PCDHGB4: variants seen among roughly 807,000 people sequenced by gnomAD.
The protein encoded by PCDHGB4 is protocadherin gamma subfamily B, 4.
A neutral mutation model predicts 60.5 loss-of-function variants in PCDHGB4; 38 were observed. The observed-to-expected ratio is 0.63, with a 90% CI of 0.48 to 0.82. The LOEUF is 0.82. PCDHGB4 is among the 40% of genes least tolerant of loss of function. PCDHGB4 has a pLI of 0.00. For synonymous variants in PCDHGB4, 456 were observed against 509.7 expected (o/e 0.89, Z 1.42); for missense variants, 1,109 against 1,209.6 (o/e 0.92, Z 1.23).
intron 1 of PCDHGB4, chr5:141,423,753 G>GC (rs1489142243): frequency 4.8e-6 from 3 of 626,014 alleles, no homozygotes; most frequent in African/African-American, 5.1e-5. Context: ...AACTGTTTGG[G>GC]GGGGGGGTGG....
At chr5:141,468,487 G>A (rs945439990) in intron 1 of PCDHGB4, 6 of 152,110 alleles carry the variant, frequency 3.9e-5, no homozygotes, top group African/African-American at 1.4e-4. Context: ...TAGGTCTCAT[G>A]GAAGATTTTC....
intron 1 of PCDHGB4, among the ~76,000 whole-genome samples, chr5:141,437,228 A>C (rs1410620126): frequency 6.6e-6 from 1 of 152,228 alleles, no homozygotes; most frequent in Non-Finnish European, 1.5e-5. Context: ...CCAGTCATAA[A>C]ATTATGTCAA....
Position 141,477,931 on chromosome 5 carries a change from G to T in PCDHGB4, c.2398-16876G>T. 6.2e-7 allele frequency: 1 copy of T among 1,614,138 alleles called. No homozygotes were observed. Among genetic ancestry groups the T allele is most frequent in the Non-Finnish European group, 8.5e-7 (1 of 1,180,040 alleles). ...ACGCGGATGCAGGGCACAATGCCTG[G>T]CTCTCCTACAGTCTCTTGGGATCCC... On this transcript the variant is annotated intron_variant, in intron 1 of 3. Coordinates refer to ENST00000519479, the MANE Select transcript of PCDHGB4 (RefSeq NM_003736.4). This position sits in a 1 kb window ranked among gnomAD's most constrained non-coding sequence, Gnocchi z 4.9.
chr5:141,446,920 C>T (rs2098520337), intron 1 of PCDHGB4, among the ~76,000 whole-genome samples: 1 of 152,108 alleles, frequency 6.6e-6, no homozygotes, highest in African/African-American at 2.4e-5. Flanking sequence ...TATTTATCTT[C>T]CTGATCTCTT....
rs200117787 is a variant in PCDHGB4, at chr5:141,477,443, G to T, written c.2398-17364G>T. ...CCCTTCCCTCTCAGCCCTTACAATA[G>T]TGCGTGTTCAAGTGTCCGACATCAA... On this transcript the variant is annotated intron_variant, in intron 1 of 3. Coordinates refer to ENST00000519479, the MANE Select transcript of PCDHGB4 (RefSeq NM_003736.4). This position sits in a 1 kb window ranked among gnomAD's most constrained non-coding sequence, Gnocchi z 4.9. The T allele has an allele frequency of 1.7e-5, 28 of 1,614,136 alleles. No homozygotes were observed. In the East Asian group the frequency reaches 6.2e-4, roughly 36 times the overall value.
At chr5:141,414,198 A>G (rs1561747621) in intron 1 of PCDHGB4, 2 of 1,611,542 alleles carry the variant, frequency 1.2e-6, no homozygotes, top group Non-Finnish European at 1.7e-6. Flanking sequence ...TGATTACAGT[A>G]GAAGATGTAA....
At chr5:141,449,251 A>T (rs918418872) in intron 1 of PCDHGB4, among the ~76,000 whole-genome samples, 10 of 152,256 alleles carry the variant, frequency 6.6e-5, no homozygotes, top group Middle Eastern at 3.4e-3. Flanking sequence ...AGTTGCAAGA[A>T]TTGTACAAAG....
In PCDHGB4 at chr5:141,415,739, G is replaced by GTTT. The variant is rs1561759437; in HGVS notation, c.2397+25458_2397+25459insTTT. 6 of 435,150 alleles carry GTTT rather than the reference G, an allele frequency of 1.4e-5. No individual in the cohort carries two copies. The African/African-American group carries it at 1.6e-4, about 12-fold the overall frequency. 27.0% of individuals were successfully genotyped at this position (435,150 alleles called of 1,614,324 possible). ...ATGAGTAGAATTTGATGTTTATTAAGGTTTTTTTTTTTTTTTTTTTTTTTT... is the reference window on the plus strand; with the variant it reads ...ATGAGTAGAATTTGATGTTTATTAAGTTTGTTTTTTTTTTTTTTTTTTTTTTTT... On this transcript the variant is annotated intron_variant, in intron 1 of 3. Transcript: ENST00000519479.
chr5:141,441,289 T>C (rs1350801949), intron 1 of PCDHGB4: 1 of 152,212 alleles, frequency 6.6e-6, no homozygotes, highest in Non-Finnish European at 1.5e-5. Flanking sequence ...CGAGGTCACA[T>C]GTCTGATATA....
chr5:141,495,469 C>G (rs1398171981), intron 2 of PCDHGB4, among the ~76,000 whole-genome samples: 1 of 152,220 alleles, frequency 6.6e-6, no homozygotes, highest in Non-Finnish European at 1.5e-5. Flanking sequence ...TGTGGGGTCT[C>G]CGTGTCTCTG....
chr5:141,458,553 T>G (rs987591790), intron 1 of PCDHGB4, among the ~76,000 whole-genome samples: 24 of 146,852 alleles, frequency 1.6e-4, no homozygotes, highest in Non-Finnish European at 2.5e-4. Flanking sequence ...TGTTTGTTTG[T>G]TTTGGTTTTG....
At chr5:141,502,914 T>G (rs78646636) in intron 2 of PCDHGB4, among the ~76,000 whole-genome samples, 4,865 of 139,540 alleles carry the variant, frequency 0.035, 119 homozygotes, top group South Asian at 0.075. Flanking sequence ...CAGGCTGGAG[T>G]GCAGTGGCAA....
Position 141,486,484 on chromosome 5 carries a change from C to A in PCDHGB4, c.2398-8323C>A. On this transcript the variant is annotated intron_variant, in intron 1 of 3. Transcript: ENST00000519479. This position sits in a 1 kb window ranked among gnomAD's most constrained non-coding sequence, Gnocchi z 5.0. ...ATGCTGGGAACCCTCCTCTCAGTAC[C>A]CACAGAACTATTTTCCTCAATATTT... is the stretch of plus-strand genomic sequence containing the variant. 5 of 1,614,102 alleles carry A rather than the reference C, an allele frequency of 3.1e-6. No homozygotes were observed. Among genetic ancestry groups the A allele is most frequent in the Non-Finnish European group, 4.2e-6 (5 of 1,179,930 alleles).
At chr5:141,467,901 C>T (rs1484485803) in intron 1 of PCDHGB4, among the ~76,000 whole-genome samples, 7 of 152,034 alleles carry the variant, frequency 4.6e-5, no homozygotes, top group Admixed American at 1.3e-4. Flanking sequence ...TCAAGAAATC[C>T]GCCCACCTCA....
At chr5:141,443,872 A>G (rs1446612063) in intron 1 of PCDHGB4, among the ~76,000 whole-genome samples, 1 of 152,212 alleles carries the variant, frequency 6.6e-6, no homozygotes, top group South Asian at 2.1e-4. Context: ...AAAATTACTG[A>G]TAAGTCAAGA....
chr5:141,452,088 AAG>A (rs1200732162), intron 1 of PCDHGB4, among the ~76,000 whole-genome samples: 2 of 152,206 alleles, frequency 1.3e-5, no homozygotes, highest in African/African-American at 4.8e-5. Flanking sequence ...ATTATACAGT[AAG>A]AAAGAGCTTT....
rs766706887 is a variant in PCDHGB4 at position 141,388,848 on chromosome 5, G to A, written c.964G>A (p.Gly322Ser). The A allele has an allele frequency of 3.7e-6, 6 of 1,613,942 alleles. No homozygotes were observed. The highest frequency in any genetic ancestry group is 3.3e-5 in the South Asian group (3 of 91,074). ...EYSIVLEARD[G>S]GGMIAQCTVE... ...TTCCATAGTTTTGGAAGCAAGGGAC[G>A]GTGGAGGAATGATTGCGCAATGCAC... is the stretch of plus-strand genomic sequence containing the variant. Residue 322 changes from glycine (G) to serine (S), a missense_variant, in exon 1 of 4, where the codon GGT (glycine) becomes AGT (serine). Physicochemically the swap from Gly to Ser is moderately conservative, Grantham distance 56. Coordinates refer to ENST00000519479, the MANE Select transcript of PCDHGB4 (RefSeq NM_003736.4).
chr5:141,438,254 A>G (rs916664408), intron 1 of PCDHGB4, among the ~76,000 whole-genome samples: 1 of 152,170 alleles, frequency 6.6e-6, no homozygotes, highest in Non-Finnish European at 1.5e-5. Context: ...CTGTCATTGA[A>G]GAGACCATAG....
At position 141,415,772 on chromosome 5, in the gene PCDHGB4, T is replaced by A. The variant is rs540545854; in HGVS notation, c.2397+25491T>A. On this transcript the variant is annotated intron_variant, in intron 1 of 3. Coordinates refer to ENST00000519479, the MANE Select transcript of PCDHGB4 (RefSeq NM_003736.4). ...TTTTTTTTTTTTTTTTTTTTTTTTT[T>A]ACTTTCTGGTAAAATTCACCTAGTC... is the stretch of plus-strand genomic sequence containing the variant. 5,409 of 1,336,512 alleles carry A rather than the reference T, an allele frequency of 4.0e-3. 27 individuals carry two copies. The highest frequency in any genetic ancestry group is 7.3e-3 in the Admixed American group (200 of 27,462). 82.8% of individuals were successfully genotyped at this position (1,336,512 alleles called of 1,614,324 possible).
Sources: allele counts gnomAD v4.1 joint callset (sites outside exome capture counted in the v4.1 genomes callset), GRCh38; gene constraint gnomAD v4.1.1; non-coding constraint Gnocchi (gnomAD v3.1); transcripts MANE v1.5; gene names NCBI Gene and HGNC (gene_info 2026-07-23, HGNC 2026-07-21).